TAF3: variants seen among roughly 807,000 people sequenced by gnomAD.
TAF3 encodes the protein transcription initiation factor TFIID subunit 3.
In TAF3, 7 loss-of-function variants were observed where a neutral mutation model predicts 80.6. The ratio of observed to expected loss-of-function variants is 0.09; its 90% CI spans 0.05 to 0.16. TAF3 has a LOEUF of 0.16. Among genes scored for constraint, TAF3 ranks in the 10% least tolerant of loss-of-function variants. The pLI is 1.00. For synonymous variants in TAF3, 444 were observed against 446.1 expected, an observed-to-expected ratio of 1.00 and a Z score of 0.06; for missense variants, 921 against 1,140.2, an observed-to-expected ratio of 0.81 and a Z score of 2.77.
At chr10:7,856,340 G>A (rs534487684) in intron 2 of TAF3, among the ~76,000 whole-genome samples, 2 of 151,982 alleles carry the variant, frequency 1.3e-5, no homozygotes, top group Non-Finnish European at 2.9e-5. Context: ...GCCAGGAGTG[G>A]TGGTGCGTGT....
intron 2 of TAF3, among the ~76,000 whole-genome samples, chr10:7,934,245 C>T (rs922742853): frequency 2.6e-5 from 4 of 151,968 alleles, no homozygotes; most frequent in Non-Finnish European, 5.9e-5. Flanking sequence ...AGTAAGTGTT[C>T]AGTTAGTCTA....
At position 7,965,027 on chromosome 10, in the gene TAF3, A is replaced by G. The variant is rs777537608; in HGVS notation, c.1517A>G (p.His506Arg). The G allele has an allele frequency of 6.8e-6, 11 of 1,614,058 alleles. No homozygotes were observed. The highest frequency in any genetic ancestry group is 4.5e-5 in the East Asian group (2 of 44,880). The change falls in exon 3 of 7, where the codon CAC (histidine) becomes CGC (arginine). Residue 506 changes from histidine (H) to arginine (R), a missense_variant. His to Arg is a conservative substitution (Grantham distance 29, BLOSUM62 0). This residue lies in a region of TAF3 where 743 missense variants were observed against 821.0 expected (regional missense o/e 0.90). Coordinates refer to ENST00000344293, the MANE Select transcript of TAF3 (RefSeq NM_031923.4). ...SVSPPTPEPL[H>R]KVYEEKTKLP... Reference sequence around the variant, plus strand: ...TCTCCTCCCACTCCCGAACCTCTCCACAAGGTGTATGAGGAGAAAACCAAG... The same window carrying G: ...TCTCCTCCCACTCCCGAACCTCTCCGCAAGGTGTATGAGGAGAAAACCAAG...
chr10:7,833,456 A>G (rs1429681451), intron 2 of TAF3, among the ~76,000 whole-genome samples: 3 of 152,200 alleles, frequency 2.0e-5, no homozygotes, highest in Non-Finnish European at 4.4e-5. Context: ...AGTAATGTTG[A>G]ACATTTTTTC....
At chr10:7,952,767 G>C (rs755765912) in intron 2 of TAF3, among the ~76,000 whole-genome samples, 2 of 152,060 alleles carry the variant, frequency 1.3e-5, no homozygotes, top group Non-Finnish European at 2.9e-5. Context: ...AATTGTCATT[G>C]CCTAATTGTC....
intron 5 of TAF3, among the ~76,000 whole-genome samples, chr10:8,011,843 A>G (rs1218340019): frequency 6.6e-6 from 1 of 152,146 alleles, no homozygotes; most frequent in Non-Finnish European, 1.5e-5. Context: ...GAGCTAACTC[A>G]CTTCCTGGAG....
chr10:7,859,303 T>G (rs1837119520), intron 2 of TAF3, among the ~76,000 whole-genome samples: 1 of 124,410 alleles, frequency 8.0e-6, no homozygotes, highest in Admixed American at 8.1e-5. Flanking sequence ...AATAAATAAA[T>G]AAATAAATAA....
At chr10:7,922,994 A>T (rs1837779105) in intron 2 of TAF3, among the ~76,000 whole-genome samples, 1 of 152,066 alleles carries the variant, frequency 6.6e-6, no homozygotes, top group Non-Finnish European at 1.5e-5. Flanking sequence ...ATTATAAATC[A>T]TCTATATAGG....
At chr10:7,931,936 G>T (rs559324690) in intron 2 of TAF3, among the ~76,000 whole-genome samples, 1 of 152,312 alleles carries the variant, frequency 6.6e-6, no homozygotes, top group South Asian at 2.1e-4. Context: ...TAATAGAAAT[G>T]TACTGGGTCT....
At chr10:7,971,082 G>A (rs139363345) in intron 3 of TAF3, among the ~76,000 whole-genome samples, 1 of 152,152 alleles carries the variant, frequency 6.6e-6, no homozygotes, top group South Asian at 2.1e-4. Context: ...CCCAAGGCCA[G>A]CTCCCAGCCT....
chr10:7,853,529 A>T (rs1045876162), intron 2 of TAF3, among the ~76,000 whole-genome samples: 2 of 152,250 alleles, frequency 1.3e-5, no homozygotes, highest in Non-Finnish European at 2.9e-5. Context: ...AAAATGGTAT[A>T]AAAATGAGGA....
chr10:7,961,038 T>C (rs1838184513), intron 2 of TAF3, among the ~76,000 whole-genome samples: 1 of 152,132 alleles, frequency 6.6e-6, no homozygotes, highest in Non-Finnish European at 1.5e-5. Context: ...GTTCGGAAGA[T>C]CACCGTAAGA....
At chr10:7,899,727 A>G (rs1384855761) in intron 2 of TAF3, among the ~76,000 whole-genome samples, 4 of 152,252 alleles carry the variant, frequency 2.6e-5, no homozygotes, top group Admixed American at 6.5e-5. Flanking sequence ...ATGATAGACT[A>G]TTGAGTGCTC....
rs1315302948 is a variant in TAF3, at chr10:7,965,658, G to A, written c.2148G>A (p.Lys716=). 1.3e-6 allele frequency: 2 copies of A among 1,581,726 alleles called. No homozygotes were observed. Among genetic ancestry groups the A allele is most frequent in the Non-Finnish European group, 8.6e-7 (1 of 1,167,142 alleles). ...KEKKKKKEKE[K]EKKEKEREKE... ...AGAAGAAAAAGAAGGAAAAAGAGAA[G>A]GAGAAGAAGGAGAAGGAAAGAGAGA... The change falls in exon 3 of 7, where the codon AAG becomes AAA. Residue 716 remains lysine (K), a synonymous_variant. Transcript: ENST00000344293.
chr10:7,840,516 TC>T (rs1836901625), intron 2 of TAF3, among the ~76,000 whole-genome samples: 1 of 149,010 alleles, frequency 6.7e-6, no homozygotes, highest in Admixed American at 6.7e-5. Context: ...CTTCTAGGCA[TC>T]CAGAATGAAA....
chr10:7,858,046 G>A lies in TAF3; in HGVS notation c.409+33486G>A, dbSNP rs1381170470. Among the ~76,000 whole-genome samples, 5 of 151,626 alleles carry A rather than the reference G, an allele frequency of 3.3e-5. 1 individual carries two copies. The highest frequency in any genetic ancestry group is 3.9e-4 in the East Asian group (2 of 5,174). On this transcript the variant is annotated intron_variant, in intron 2 of 6. Transcript: ENST00000344293. ...TGACAGCTTACAAAGAGGTTTGAAC[G>A]GCCTCAGTAGAATATTAACATTTGG...
At chr10:7,967,324 A>T (rs1348839035) in intron 3 of TAF3, among the ~76,000 whole-genome samples, 1 of 152,228 alleles carries the variant, frequency 6.6e-6, no homozygotes, top group Non-Finnish European at 1.5e-5. Flanking sequence ...TTGGAAAGTC[A>T]GTGGAGTTGT....
chr10:7,979,954 A>G (rs1404748853), intron 4 of TAF3, among the ~76,000 whole-genome samples: 1 of 152,132 alleles, frequency 6.6e-6, no homozygotes, highest in African/African-American at 2.4e-5. Context: ...AAATTAAAAG[A>G]AGAATGTATT....
At chr10:7,823,357 A>G (rs1363824658) in intron 1 of TAF3, among the ~76,000 whole-genome samples, 1 of 151,786 alleles carries the variant, frequency 6.6e-6, no homozygotes, top group Non-Finnish European at 1.5e-5. Flanking sequence ...AAGGCCAGGC[A>G]CATTGGCTCA....
At chr10:7,841,833 G>A (rs1836915753) in intron 2 of TAF3, among the ~76,000 whole-genome samples, 1 of 152,122 alleles carries the variant, frequency 6.6e-6, no homozygotes, top group Non-Finnish European at 1.5e-5. Flanking sequence ...AATTTAGAAT[G>A]GACCTTATAG....
Sources: allele counts gnomAD v4.1 joint callset (sites outside exome capture counted in the v4.1 genomes callset), GRCh38; gene constraint gnomAD v4.1.1; regional missense constraint gnomAD v4.1.1; transcripts MANE v1.5; gene names NCBI Gene and HGNC (gene_info 2026-07-23, HGNC 2026-07-21).